RSRC1: variants seen among roughly 807,000 people sequenced by gnomAD.
RSRC1 encodes serine/Arginine-related protein 53.
A neutral mutation model predicts 49.1 loss-of-function variants in RSRC1; 39 were observed. That is an observed-to-expected ratio of 0.79 (90% CI 0.61 to 1.04). The LOEUF (loss-of-function observed/expected upper bound fraction) is 1.04. Ranked by LOEUF, RSRC1 falls within the 50% of genes least tolerant of loss-of-function variation. The probability of loss-of-function intolerance (pLI) is 0.00; values close to 1 mark genes in which losing one functional copy is unlikely to be tolerated. For missense variants in RSRC1, 388 were observed against 402.4 expected, an observed-to-expected ratio of 0.96 and a Z score of 0.31; for synonymous variants, 143 against 130.8, an observed-to-expected ratio of 1.09 and a Z score of -0.63.
chr3:158,535,102 A>C (rs1444659425), intron 7 of RSRC1, among the ~76,000 whole-genome samples: 2 of 150,740 alleles, frequency 1.3e-5, no homozygotes, highest in Non-Finnish European at 3.0e-5. Context: ...AACTGAAACA[A>C]ATAAACCTAA....
At chr3:158,413,475 A>C (rs775734706) in intron 6 of RSRC1, among the ~76,000 whole-genome samples, 4 of 152,116 alleles carry the variant, frequency 2.6e-5, no homozygotes, top group Non-Finnish European at 4.4e-5. Flanking sequence ...CAACAAAAGC[A>C]AAAATTGACA....
intron 4 of RSRC1, among the ~76,000 whole-genome samples, chr3:158,223,161 GT>G (rs1332630961): frequency 6.6e-6 from 1 of 151,370 alleles, no homozygotes; most frequent in Non-Finnish European, 1.5e-5. Flanking sequence ...GATCTTCCTC[GT>G]ATGCCCTTCG....
intron 6 of RSRC1, among the ~76,000 whole-genome samples, chr3:158,444,404 G>A (rs1186682703): frequency 6.6e-6 from 1 of 152,118 alleles, no homozygotes; most frequent in African/African-American, 2.4e-5. Context: ...ACAAGCAATG[G>A]GGAAAGGATT....
intron 4 of RSRC1, among the ~76,000 whole-genome samples, chr3:158,251,946 G>C (rs1724231286): frequency 6.6e-6 from 1 of 152,184 alleles, no homozygotes; most frequent in African/African-American, 2.4e-5. Flanking sequence ...GATGCTAGCT[G>C]TGGGTCTGTC....
intron 4 of RSRC1, among the ~76,000 whole-genome samples, chr3:158,264,093 T>G (rs1725040203): frequency 6.6e-6 from 1 of 152,174 alleles, no homozygotes; most frequent in African/African-American, 2.4e-5. Context: ...GGTTTAATTC[T>G]CCTCTTCTTC....
intron 4 of RSRC1, among the ~76,000 whole-genome samples, chr3:158,262,673 T>C (rs1294976011): frequency 1.3e-5 from 2 of 152,166 alleles, no homozygotes; most frequent in Non-Finnish European, 2.9e-5. Context: ...GTTAATAATA[T>C]TGACTCTTTT....
At chr3:158,173,435 CTGTTA>C (rs753870645) in intron 3 of RSRC1, among the ~76,000 whole-genome samples, 10 of 152,082 alleles carry the variant, frequency 6.6e-5, no homozygotes, top group Non-Finnish European at 1.2e-4. Context: ...CTAAATCTTA[CTGTTA>C]TGTTAACTTC....
intron 6 of RSRC1, among the ~76,000 whole-genome samples, chr3:158,417,951 C>T (rs966312479): frequency 6.6e-6 from 1 of 151,810 alleles, no homozygotes; most frequent in East Asian, 1.9e-4. Flanking sequence ...TTACTTGTTT[C>T]GGGTTTCCTG....
intron 7 of RSRC1, among the ~76,000 whole-genome samples, chr3:158,529,727 C>G (rs140639764): frequency 2.8e-4 from 42 of 151,964 alleles, no homozygotes; most frequent in African/African-American, 1.0e-3. Flanking sequence ...CAAAAATTTC[C>G]GTGGACATAT....
At chr3:158,455,697 T>C (rs927768853) in intron 6 of RSRC1, among the ~76,000 whole-genome samples, 8 of 152,024 alleles carry the variant, frequency 5.3e-5, no homozygotes, top group Admixed American at 2.6e-4. Flanking sequence ...AGGGGCAACA[T>C]GGCCTGGTGC....
intron 4 of RSRC1, among the ~76,000 whole-genome samples, chr3:158,265,489 G>A (rs1725119697): frequency 6.6e-6 from 1 of 151,964 alleles, no homozygotes; most frequent in Non-Finnish European, 1.5e-5. Context: ...AAATTAGCCG[G>A]GCGTGGTAAC....
chr3:158,181,370 A>G (rs1719613395), intron 3 of RSRC1, among the ~76,000 whole-genome samples: 1 of 152,188 alleles, frequency 6.6e-6, no homozygotes, highest in African/African-American at 2.4e-5. Flanking sequence ...TAAGAGAAAT[A>G]TCTGTCACCT....
At chr3:158,321,800 T>C (rs1728778085) in intron 5 of RSRC1, among the ~76,000 whole-genome samples, 1 of 152,140 alleles carries the variant, frequency 6.6e-6, no homozygotes, top group Non-Finnish European at 1.5e-5. Context: ...AATGTACTTA[T>C]TTCTAATAAA....
intron 7 of RSRC1, among the ~76,000 whole-genome samples, chr3:158,483,199 A>C (rs1738686688): frequency 6.6e-6 from 1 of 152,080 alleles, no homozygotes; most frequent in African/African-American, 2.4e-5. Flanking sequence ...TTGCACTTCC[A>C]TTGGACCTAT....
intron 4 of RSRC1, among the ~76,000 whole-genome samples, chr3:158,253,752 GTATATATT>G (rs1168416865): frequency 3.3e-5 from 5 of 151,766 alleles, no homozygotes; most frequent in Non-Finnish European, 5.9e-5. Context: ...CCATTGGTTG[GTATATATT>G]TATATATTTA....
At chr3:158,407,786 G>A (rs954392837) in intron 6 of RSRC1, among the ~76,000 whole-genome samples, 8 of 152,022 alleles carry the variant, frequency 5.3e-5, no homozygotes, top group African/African-American at 1.9e-4. Context: ...TTCTTTTATA[G>A]AATCTAAACT....
chr3:158,510,880 G>T (rs1210856276), intron 7 of RSRC1, among the ~76,000 whole-genome samples: 2 of 151,996 alleles, frequency 1.3e-5, no homozygotes, highest in East Asian at 3.9e-4. Context: ...AGTTTTTCAG[G>T]TTTCATTAAA....
chr3:158,213,445 G>T (rs185546747), intron 4 of RSRC1, among the ~76,000 whole-genome samples: 55 of 152,042 alleles, frequency 3.6e-4, no homozygotes, highest in African/African-American at 1.3e-3. Flanking sequence ...TGGGTTCCGA[G>T]ATTGCATATA....
chr3:158,269,053 G>A (rs187216530), intron 4 of RSRC1, among the ~76,000 whole-genome samples: 324 of 152,190 alleles, frequency 2.1e-3, no homozygotes, highest in African/African-American at 7.6e-3. Flanking sequence ...AGCAAATAAA[G>A]GATATTGTTT....
Sources: allele counts gnomAD v4.1 joint callset (sites outside exome capture counted in the v4.1 genomes callset), GRCh38; gene constraint gnomAD v4.1.1; transcripts MANE v1.5; gene names NCBI Gene and HGNC (gene_info 2026-07-23, HGNC 2026-07-21).